Variants in CFAP77 observed in about 807,000 individuals in gnomAD.
The protein encoded by CFAP77 is cilia- and flagella-associated protein 77.
A neutral mutation model predicts 31.1 loss-of-function variants in CFAP77; 25 were observed. The observed-to-expected ratio is 0.80, with a 90% CI of 0.59 to 1.12. CFAP77 has a LOEUF of 1.12. Among genes scored for constraint, CFAP77 ranks in the 50% most tolerant of loss-of-function variants. The pLI is 0.00. For synonymous variants in CFAP77, 151 were observed against 159.9 expected, an observed-to-expected ratio of 0.94 and a Z score of 0.42; for missense variants, 377 against 397.3, an observed-to-expected ratio of 0.95 and a Z score of 0.44.
intron 3 of CFAP77, among the ~76,000 whole-genome samples, chr9:132,505,890 C>T (rs1212354592): frequency 1.3e-5 from 2 of 152,202 alleles, no homozygotes; most frequent in African/African-American, 4.8e-5. Flanking sequence ...TAACGGCAGC[C>T]TCTTTGTGTC....
chr9:132,522,617 A>T (rs1296927906), intron 3 of CFAP77, among the ~76,000 whole-genome samples: 1 of 152,254 alleles, frequency 6.6e-6, no homozygotes, highest in Non-Finnish European at 1.5e-5. Context: ...GAAGCATCAA[A>T]AAATGGTTAT....
chr9:132,447,907 A>G (rs1432988149), intron 1 of CFAP77, among the ~76,000 whole-genome samples: 1 of 152,200 alleles, frequency 6.6e-6, no homozygotes, highest in Non-Finnish European at 1.5e-5. Context: ...TCCAGTTTAC[A>G]AGGCAGTGAG....
At chr9:132,544,324 C>T (rs1200971571) in intron 5 of CFAP77, among the ~76,000 whole-genome samples, 1 of 152,152 alleles carries the variant, frequency 6.6e-6, no homozygotes, top group East Asian at 1.9e-4. Flanking sequence ...ACTGCAGCTC[C>T]GCAGCTCCTC....
intron 1 of CFAP77, among the ~76,000 whole-genome samples, chr9:132,450,926 T>C (rs1850814257): frequency 1.3e-5 from 2 of 152,048 alleles, no homozygotes; most frequent in Non-Finnish European, 2.9e-5. Context: ...GACAGCCTGA[T>C]TGAGTATGGA....
chr9:132,479,634 A>G (rs907477174), intron 1 of CFAP77, among the ~76,000 whole-genome samples: 8 of 152,170 alleles, frequency 5.3e-5, no homozygotes, highest in African/African-American at 1.9e-4. Flanking sequence ...AGTTCCCTCC[A>G]AGGATGGCCC....
chr9:132,567,506 G>A (rs2119110319), intron 5 of CFAP77, among the ~76,000 whole-genome samples: 1 of 152,306 alleles, frequency 6.6e-6, no homozygotes, highest in Non-Finnish European at 1.5e-5. Context: ...TGGGGTATGG[G>A]ATGAGTGGGT....
At chr9:132,549,234 T>A (rs1011171619) in intron 5 of CFAP77, among the ~76,000 whole-genome samples, 1 of 152,108 alleles carries the variant, frequency 6.6e-6, no homozygotes, top group Non-Finnish European at 1.5e-5. Context: ...AAAATGAAGA[T>A]GGGCCGACCC....
intron 1 of CFAP77, among the ~76,000 whole-genome samples, chr9:132,434,683 G>A (rs1260811564): frequency 1.3e-5 from 2 of 152,014 alleles, no homozygotes; most frequent in Non-Finnish European, 2.9e-5. Flanking sequence ...ATTGAAACAC[G>A]ATTCATATCA....
intron 1 of CFAP77, among the ~76,000 whole-genome samples, chr9:132,489,005 C>T (rs1301739843): frequency 2.0e-5 from 3 of 152,148 alleles, no homozygotes; most frequent in Non-Finnish European, 4.4e-5. Flanking sequence ...ATGGAGGAAA[C>T]TCGGAAAAAG....
chr9:132,461,192 C>T (rs1004594224), intron 1 of CFAP77, among the ~76,000 whole-genome samples: 2 of 152,258 alleles, frequency 1.3e-5, no homozygotes, highest in Non-Finnish European at 2.9e-5. Context: ...ACACAACTCA[C>T]CTCCAGTCTT....
chr9:132,510,899 A>G (rs1200780383), intron 3 of CFAP77, among the ~76,000 whole-genome samples: 2 of 152,130 alleles, frequency 1.3e-5, no homozygotes, highest in East Asian at 3.9e-4. Context: ...GCCCTAAGGT[A>G]GCAACTGACT....
chr9:132,499,029 G>C lies in CFAP77; in HGVS notation c.295+235G>C, dbSNP rs972991539. ...GAACTAGCATGGGTATCCCCGCACC[G>C]CCCCCCTTCCCCGCCGCCGGCAGGG... is the stretch of plus-strand genomic sequence containing the variant. On this transcript the variant is annotated intron_variant, in intron 2 of 5. Coordinates refer to ENST00000393216, the MANE Select transcript of CFAP77 (RefSeq NM_001282957.2). The surrounding 1 kb of genome is among the most constrained non-coding windows in gnomAD (Gnocchi z 5.4). Among the ~76,000 whole-genome samples the C allele has an allele frequency of 6.6e-6, 1 of 152,076 alleles. No individual in the cohort carries two copies. Among genetic ancestry groups the C allele is most frequent in the East Asian group, 1.9e-4 (1 of 5,156 alleles).
Position 132,517,381 on chromosome 9 carries a change from T to C in CFAP77, c.524+17781T>C, listed in dbSNP as rs545538644. On this transcript the variant is annotated intron_variant, in intron 3 of 5. Transcript: ENST00000393216. The surrounding 1 kb of genome is among the most constrained non-coding windows in gnomAD (Gnocchi z 4.7). ...GCATCAAGAGCCAAATAAGGACCCG[T>C]CTTGAGTGGAATCACGTTGAACAGA... 6.6e-6 allele frequency among the ~76,000 whole-genome samples: 1 copy of C among 152,340 alleles called. No individual in the cohort carries two copies. The highest frequency in any genetic ancestry group is 1.9e-4 in the East Asian group (1 of 5,188).
chr9:132,467,766 C>T (rs2131732214), intron 1 of CFAP77, among the ~76,000 whole-genome samples: 1 of 152,196 alleles, frequency 6.6e-6, no homozygotes, highest in African/African-American at 2.4e-5. Flanking sequence ...TTTGGGGAAC[C>T]ACCATTCTGT....
At chr9:132,453,309 G>T (rs1322718945) in intron 1 of CFAP77, among the ~76,000 whole-genome samples, 1 of 152,074 alleles carries the variant, frequency 6.6e-6, no homozygotes, top group Non-Finnish European at 1.5e-5. Flanking sequence ...TGGATTGCCT[G>T]AGCTCCGGAG....
rs1850345215 is a variant in CFAP77 at position 132,427,985 on chromosome 9, A to C, written c.195+17519A>C. ...TGACCCCATGGCTCAAAGTTTGTTG[A>C]GCATTAGATTCTTTCTTTTTTTTTT... is the stretch of plus-strand genomic sequence containing the variant. On this transcript the variant is annotated intron_variant, in intron 1 of 5. Coordinates refer to ENST00000393216, the MANE Select transcript of CFAP77 (RefSeq NM_001282957.2). 2.0e-5 allele frequency among the ~76,000 whole-genome samples: 3 copies of C among 151,370 alleles called. No homozygotes were observed. The South Asian group carries it at 6.2e-4, about 31-fold the overall frequency.
intron 1 of CFAP77, among the ~76,000 whole-genome samples, chr9:132,483,990 G>A (rs1851496117): frequency 6.7e-6 from 1 of 148,950 alleles, no homozygotes; most frequent in Non-Finnish European, 1.5e-5. Context: ...AGGCTGGAGT[G>A]CAGTGGTGCA....
intron 3 of CFAP77, among the ~76,000 whole-genome samples, chr9:132,514,620 C>T (rs1054200209): frequency 2.0e-5 from 3 of 151,542 alleles, no homozygotes; most frequent in Admixed American, 2.0e-4. Context: ...GCACCGGTGC[C>T]GGAACTGCTA....
At position 132,564,105 on chromosome 9, in the gene CFAP77, G is replaced by A. The variant is rs1168431232; in HGVS notation, c.733-8283G>A. On this transcript the variant is annotated intron_variant, in intron 5 of 5. Coordinates refer to ENST00000393216, the MANE Select transcript of CFAP77 (RefSeq NM_001282957.2). This position sits in a 1 kb window ranked among gnomAD's most constrained non-coding sequence, Gnocchi z 4.6. Reference sequence around the variant, plus strand: ...CACAATTCTAATTGAAGAATTCGTTGTGTGATTTTATTTTTATTAGTAGTT... The same window carrying A: ...CACAATTCTAATTGAAGAATTCGTTATGTGATTTTATTTTTATTAGTAGTT... Among the ~76,000 whole-genome samples the A allele has an allele frequency of 6.6e-6, 1 of 152,170 alleles. No homozygotes were observed. The highest frequency in any genetic ancestry group is 2.4e-5 in the African/African-American group (1 of 41,438).
Sources: allele counts gnomAD v4.1 joint callset (sites outside exome capture counted in the v4.1 genomes callset), GRCh38; gene constraint gnomAD v4.1.1; non-coding constraint Gnocchi (gnomAD v3.1); transcripts MANE v1.5; gene names NCBI Gene and HGNC (gene_info 2026-07-23, HGNC 2026-07-21).